The following PCDHA6 variants were observed in gnomAD, a reference collection of about 807,000 sequenced individuals.
The protein encoded by PCDHA6 is protocadherin alpha-6.
Under a neutral mutation model 60.3 loss-of-function variants are expected in PCDHA6, and 55 were observed. The ratio of observed to expected loss-of-function variants is 0.91; its 90% CI spans 0.73 to 1.14. The LOEUF is 1.14. Ranked by LOEUF, PCDHA6 falls within the 50% of genes most tolerant of loss-of-function variation. The pLI, the probability that PCDHA6 is intolerant of heterozygous loss-of-function variation, is 0.00. For missense variants in PCDHA6, 1,327 were observed against 1,256.5 expected (o/e 1.06, Z -0.85); for synonymous variants, 652 against 557.9 (o/e 1.17, Z -2.38).
intron 1 of PCDHA6, among the ~76,000 whole-genome samples, chr5:140,921,651 C>T (rs155817): frequency 0.33 from 49,637 of 151,902 alleles, 8,394 homozygotes; most frequent in East Asian, 0.53. Context: ...TTTAAGGGAA[C>T]TTAATAAAAA....
chr5:140,982,526 T>A lies in PCDHA6; in HGVS notation c.2505T>A (p.Pro835=). Residue 835 remains proline (P), a synonymous_variant, in exon 3 of 4, where the codon CCT becomes CCA. Coordinates refer to ENST00000529310, the MANE Select transcript of PCDHA6 (RefSeq NM_018909.4). ...TTCTACGGGCTGGTCCAGGAGGGCC[T>A]GATCAGCAGTGGCCAACAGTATCCA... ...AGILRAGPGG[P]DQQWPTVSSA... is the part of the protein sequence containing the mutation. 1.2e-6 allele frequency: 2 copies of A among 1,614,192 alleles called. No individual in the cohort carries two copies. Among genetic ancestry groups the A allele is most frequent in the Non-Finnish European group, 1.7e-6 (2 of 1,180,028 alleles).
chr5:140,972,820 C>A (rs1247488574), intron 1 of PCDHA6, among the ~76,000 whole-genome samples: 3 of 151,964 alleles, frequency 2.0e-5, no homozygotes, highest in Admixed American at 6.6e-5. Context: ...CGCGCCACCA[C>A]GCCTGGCTAA....
intron 1 of PCDHA6, chr5:140,875,768 G>A (rs997656321): frequency 6.2e-7 from 1 of 1,614,262 alleles, no homozygotes; most frequent in Non-Finnish European, 8.5e-7. Context: ...TGCGGGCGGA[G>A]CGCGGAGTGC....
In PCDHA6 at chr5:140,829,107, G is replaced by C. The variant is rs1554131755; in HGVS notation, c.1016G>C (p.Arg339Thr). 1.2e-6 allele frequency: 2 copies of C among 1,612,092 alleles called. No individual in the cohort carries two copies. Among genetic ancestry groups the C allele is most frequent in the Admixed American group, 3.3e-5 (2 of 60,002 alleles). Residue 339 changes from arginine (R) to threonine (T), a missense_variant, in exon 1 of 4, where the codon AGA becomes ACA. Physicochemically the swap from Arg to Thr is moderately conservative, Grantham distance 71 (BLOSUM62 -1). Transcript: ENST00000529310. ...PMAGHCTVLVRILDKNDNVPE... is the reference protein window; with the variant it reads ...PMAGHCTVLVTILDKNDNVPE... Reference sequence around the variant, plus strand: ...GCGGGTCATTGCACCGTTTTAGTGAGAATTTTGGATAAAAATGATAACGTC... The same window carrying C: ...GCGGGTCATTGCACCGTTTTAGTGACAATTTTGGATAAAAATGATAACGTC...
Position 140,898,113 on chromosome 5 carries a change from C to G in PCDHA6, c.2394+67628C>G, listed in dbSNP as rs369408845. 3.9e-5 allele frequency among the ~76,000 whole-genome samples: 6 copies of G among 151,952 alleles called. No individual in the cohort carries two copies. The East Asian group carries it at 1.2e-3, about 29-fold the overall frequency. ...AGCCCTTTGTCAGATGAGTAGGTTG[C>G]GAAAATTTTCTCCCATTTTGTAGGT... On this transcript the variant is annotated intron_variant, in intron 1 of 3. Coordinates refer to ENST00000529310, the MANE Select transcript of PCDHA6 (RefSeq NM_018909.4).
chr5:140,832,249 G>A (rs1268506433), intron 1 of PCDHA6, among the ~76,000 whole-genome samples: 1 of 152,168 alleles, frequency 6.6e-6, no homozygotes, highest in Non-Finnish European at 1.5e-5. Context: ...TGTTGTCCAT[G>A]TTCCCAGGAA....
At position 140,829,457 on chromosome 5, in the gene PCDHA6, G is replaced by A. The variant is rs1362203038; in HGVS notation, c.1366G>A (p.Ala456Thr). 5 of 1,613,758 alleles carry A rather than the reference G, an allele frequency of 3.1e-6. No homozygotes were observed. In the Admixed American group the frequency reaches 8.3e-5, roughly 27 times the overall value. Residue 456 changes from alanine to threonine, a missense_variant, in exon 1 of 4, where the codon GCG becomes ACG. Ala to Thr is a moderately conservative substitution (Grantham distance 58). Transcript: ENST00000529310. The stretch of plus-strand genomic sequence containing the variant: ...CATGAATGACAATGCTCCGGCGTTC[G>A]CGCAGCCCGAGTACACAGTGTTCGT... ...ADMNDNAPAF[A>T]QPEYTVFVKE...
chr5:140,858,622 G>T, intron 1 of PCDHA6: 1 of 1,136,482 alleles, frequency 8.8e-7, no homozygotes, highest in Non-Finnish European at 1.2e-6. Flanking sequence ...ATCCTACCCA[G>T]TGTGTCAGCC....
intron 1 of PCDHA6, chr5:140,871,301 CGGG>C: frequency 6.2e-7 from 1 of 1,613,916 alleles, no homozygotes; most frequent in East Asian, 2.2e-5. Context: ...GCGTGCGCGC[CGGG>C]GAAGCCCACG....
chr5:140,924,613 T>G (rs185833158), intron 1 of PCDHA6, among the ~76,000 whole-genome samples: 1 of 152,170 alleles, frequency 6.6e-6, no homozygotes, highest in African/African-American at 2.4e-5. Context: ...TGATGCCAGG[T>G]GCGGTGGCAT....
intron 1 of PCDHA6, among the ~76,000 whole-genome samples, chr5:140,922,895 A>G (rs2153566398): frequency 6.6e-6 from 1 of 152,340 alleles, no homozygotes; most frequent in East Asian, 1.9e-4. Context: ...ATTCAAGAAA[A>G]AATTTTGAGA....
chr5:140,884,535 C>T (rs142468733), intron 1 of PCDHA6: 2 of 1,613,918 alleles, frequency 1.2e-6, no homozygotes, highest in African/African-American at 1.3e-5. Flanking sequence ...CAGAGGCGGC[C>T]GAGGGTGTGC....
At chr5:140,960,444 T>C in intron 1 of PCDHA6, among the ~76,000 whole-genome samples, 1 of 152,022 alleles carries the variant, frequency 6.6e-6, no homozygotes, top group Non-Finnish European at 1.5e-5. Context: ...TAGATATATG[T>C]ATGGATAATT....
intron 1 of PCDHA6, among the ~76,000 whole-genome samples, chr5:140,961,366 C>T (rs1384222732): frequency 6.6e-6 from 1 of 152,144 alleles, no homozygotes; most frequent in Non-Finnish European, 1.5e-5. Context: ...CATTAGAATT[C>T]TCCTTCTAGT....
rs2053060094 is a variant in PCDHA6, at chr5:140,871,409, T to A, written c.2394+40924T>A. The A allele has an allele frequency of 6.2e-7, 1 of 1,614,092 alleles. No individual in the cohort carries two copies. Among genetic ancestry groups the A allele is most frequent in the Non-Finnish European group, 8.5e-7 (1 of 1,179,968 alleles). The stretch of plus-strand genomic sequence containing the variant: ...GAGGGCCCACCTAAGACGGACCTCA[T>A]GGCCTTCAGCCCCAGTCTTCCTCTA... On this transcript the variant is annotated intron_variant, in intron 1 of 3. Transcript: ENST00000529310.
At chr5:140,835,876 G>A (rs1774006119) in intron 1 of PCDHA6, 2 of 1,611,976 alleles carry the variant, frequency 1.2e-6, no homozygotes, top group East Asian at 4.5e-5. Flanking sequence ...GTGGAGCTGC[G>A]GGTGGGCGAG....
rs538322622 is a variant in PCDHA6 at position 140,884,083 on chromosome 5, G to T, written c.2394+53598G>T. 35 of 1,613,596 alleles carry T rather than the reference G, an allele frequency of 2.2e-5. No individual in the cohort carries two copies. The South Asian group carries it at 3.6e-4, about 17-fold the overall frequency. On this transcript the variant is annotated intron_variant, in intron 1 of 3. Coordinates refer to ENST00000529310, the MANE Select transcript of PCDHA6 (RefSeq NM_018909.4). The stretch of plus-strand genomic sequence containing the variant: ...TGGACGCCGATTCGGGCTACAATGC[G>T]TGGCTTTCGTATGAATTGCAGCTGG...
Position 140,857,279 on chromosome 5 carries a change from G to T in PCDHA6, c.2394+26794G>T, listed in dbSNP as rs782434219. ...TTACTACTCATTGGTGCTGGACAGC[G>T]CTCTGGACCGCGAGAGGGTGTCGGC... On this transcript the variant is annotated intron_variant, in intron 1 of 3. Transcript: ENST00000529310. 22 of 1,598,726 alleles carry T rather than the reference G, an allele frequency of 1.4e-5. No homozygotes were observed. The East Asian group carries it at 4.7e-4, about 34-fold the overall frequency.
chr5:140,950,749 C>G (rs1202993675), intron 1 of PCDHA6, among the ~76,000 whole-genome samples: 5 of 152,002 alleles, frequency 3.3e-5, no homozygotes, highest in African/African-American at 4.8e-5. Flanking sequence ...TTCTCTCTAT[C>G]CTTTCTGGAC....
Sources: gnomAD v4.1 joint callset for allele counts (sites outside exome capture counted in the v4.1 genomes callset) on GRCh38, gnomAD v4.1.1 for gene constraint, MANE v1.5 for transcripts, NCBI Gene and HGNC (gene_info 2026-07-23, HGNC 2026-07-21) for gene names.